Variants in ARSG observed in about 807,000 individuals in gnomAD.
ARSG encodes the protein ASG.
Under a neutral mutation model 50.5 loss-of-function variants are expected in ARSG, and 37 were observed. The observed-to-expected ratio is 0.73, with a 90% confidence interval of 0.56 to 0.96. The LOEUF (loss-of-function observed/expected upper bound fraction) is 0.96, where lower values mean the gene tolerates loss of function less well. Ranked by LOEUF, ARSG falls within the 50% of genes least tolerant of loss-of-function variation. The pLI is 0.00. For synonymous variants in ARSG, 225 were observed against 254.6 expected, an observed-to-expected ratio of 0.88 and a Z score of 1.11; for missense variants, 629 against 675.3, an observed-to-expected ratio of 0.93 and a Z score of 0.76.
chr17:68,310,023 G>T (rs1477435946), intron 2 of ARSG, among the ~76,000 whole-genome samples: 1 of 149,826 alleles, frequency 6.7e-6, no homozygotes, highest in Non-Finnish European at 1.5e-5. Flanking sequence ...GCCCAGGTTG[G>T]CGTGCAGTGG....
At chr17:68,270,793 AC>A in intron 1 of ARSG, 1 of 1,492,364 alleles carries the variant, frequency 6.7e-7, no homozygotes, top group Non-Finnish European at 9.0e-7. Context: ...AGCACAATTC[AC>A]AAGGGAAAGT....
rs372439239 is a variant in ARSG at position 68,278,249 on chromosome 17, G to A, written c.-552+18823G>A. The A allele has an allele frequency of 4.3e-6, 7 of 1,614,068 alleles. No homozygotes were observed. In the African/African-American group the frequency reaches 5.3e-5, roughly 12 times the overall value. ...AGAAAAATGAAACAGCTACCGCCCA[G>A]CCCCATCCTCCATCAGGCACTTCAG... On this transcript the variant is annotated intron_variant, in intron 1 of 11. Transcript: ENST00000448504.
intron 1 of ARSG, among the ~76,000 whole-genome samples, chr17:68,302,600 T>C (rs1599632134): frequency 6.6e-6 from 1 of 152,046 alleles, no homozygotes; most frequent in East Asian, 1.9e-4. Context: ...CTGTGGGTCA[T>C]TTGGCTGTTT....
the ARSG span, among the ~76,000 whole-genome samples, chr17:68,437,012 A>ATGTGTGTGTGTGTGTGTG: frequency 1.8e-4 from 15 of 82,064 alleles, no homozygotes; most frequent in African/African-American, 7.2e-4. Flanking sequence ...AAAAATATAT[A>ATGTGTGTGTGTGTGTGTG]TATATGTGTG....
At chr17:68,437,439 C>G in the ARSG span, among the ~76,000 whole-genome samples, 1 of 151,910 alleles carries the variant, frequency 6.6e-6, no homozygotes, top group African/African-American at 2.4e-5. Flanking sequence ...CCTGTAGTCC[C>G]AGCTACTCGG....
chr17:68,340,394 C>T (rs1164884391), intron 2 of ARSG, among the ~76,000 whole-genome samples: 1 of 152,150 alleles, frequency 6.6e-6, no homozygotes, highest in Non-Finnish European at 1.5e-5. Context: ...AAGCAGTTCT[C>T]ATGCTTCAGC....
chr17:68,260,294 T>C (rs2075052441), intron 1 of ARSG, among the ~76,000 whole-genome samples: 1 of 152,206 alleles, frequency 6.6e-6, no homozygotes, highest in South Asian at 2.1e-4. Context: ...TTGTTTTCAC[T>C]GTGCTGCATG....
chr17:68,305,633 A>AT (rs2076578402), intron 1 of ARSG, among the ~76,000 whole-genome samples: 1 of 152,100 alleles, frequency 6.6e-6, no homozygotes, highest in Admixed American at 6.6e-5. Flanking sequence ...ATTTTTTGAA[A>AT]TTTTTTCTAA....
chr17:68,372,230 GTCTA>G (rs955074200), intron 8 of ARSG, among the ~76,000 whole-genome samples: 18 of 152,204 alleles, frequency 1.2e-4, no homozygotes, highest in South Asian at 4.2e-4. Context: ...AACCAAAAAG[GTCTA>G]TCTGTCTGTC....
chr17:68,306,106 G>A (rs782628356), intron 1 of ARSG, among the ~76,000 whole-genome samples: 3 of 151,832 alleles, frequency 2.0e-5, no homozygotes, highest in African/African-American at 7.3e-5. Context: ...GGGTTCAAGC[G>A]ATTCTCTTGC....
chr17:68,356,111 A>G (rs939585132), intron 5 of ARSG, among the ~76,000 whole-genome samples: 4 of 152,088 alleles, frequency 2.6e-5, no homozygotes, highest in Admixed American at 6.6e-5. Context: ...CGAACTCCTG[A>G]CCTCAAGTGA....
the ARSG span, among the ~76,000 whole-genome samples, chr17:68,437,141 G>A: frequency 3.3e-5 from 5 of 152,006 alleles, no homozygotes; most frequent in East Asian, 9.6e-4. Context: ...CCTCAAAACT[G>A]AAATAAATCT....
intron 1 of ARSG, among the ~76,000 whole-genome samples, chr17:68,282,176 A>G (rs1225049224): frequency 1.3e-5 from 2 of 152,206 alleles, no homozygotes; most frequent in African/African-American, 2.4e-5. Flanking sequence ...CAGCCATAAA[A>G]AAGGATGAGT....
chr17:68,410,601 C>T (rs1169664897), intron 11 of ARSG, among the ~76,000 whole-genome samples: 1 of 152,138 alleles, frequency 6.6e-6, no homozygotes, highest in Admixed American at 6.5e-5. Flanking sequence ...GGTTGTGTCT[C>T]TGCCTGGCTT....
chr17:68,416,754 T>A (rs1216227416), intron 11 of ARSG, among the ~76,000 whole-genome samples: 1 of 151,950 alleles, frequency 6.6e-6, no homozygotes, highest in Non-Finnish European at 1.5e-5. Context: ...CTTGTTCAAT[T>A]CTATTGCTGA....
Position 68,302,275 on chromosome 17 carries a change from A to G in ARSG, c.-551-4668A>G, listed in dbSNP as rs115971788. Among the ~76,000 whole-genome samples, 548 of 152,294 alleles carry G rather than the reference A, an allele frequency of 3.6e-3. 4 individuals are homozygous for G. The highest frequency in any genetic ancestry group is 0.012 in the African/African-American group (510 of 41,564). On this transcript the variant is annotated intron_variant, in intron 1 of 11. Transcript: ENST00000621439. Reference sequence around the variant, plus strand: ...CTGGGGAGTAAAACAACAGCAGTCCACATCCCAGAGACCTGCTCCCCCCTG... The same window carrying G: ...CTGGGGAGTAAAACAACAGCAGTCCGCATCCCAGAGACCTGCTCCCCCCTG...
At chr17:68,356,635 T>C (rs752296787) in intron 5 of ARSG, 32 bp from the exon 6 acceptor site, 11 of 1,613,224 alleles carry the variant, frequency 6.8e-6, no homozygotes, top group Non-Finnish European at 9.3e-6. Flanking sequence ...ACGTAGGAAA[T>C]GAATACTCTA....
At chr17:68,427,328 G>A, downstream of ARSG, 1 of 1,107,878 alleles carries the variant, frequency 9.0e-7, no homozygotes, top group South Asian at 1.3e-5. Context: ...CAAAGGAAAA[G>A]CATGAAGAAG....
At chr17:68,348,329 A>T (rs1198236410) in intron 4 of ARSG, among the ~76,000 whole-genome samples, 1 of 152,176 alleles carries the variant, frequency 6.6e-6, no homozygotes, top group Non-Finnish European at 1.5e-5. Context: ...CCTTGAGGGC[A>T]TATTCCTGTG....
Sources: gnomAD v4.1 joint callset for allele counts (sites outside exome capture counted in the v4.1 genomes callset) on GRCh38, gnomAD v4.1.1 for gene constraint, MANE v1.5 for transcripts, NCBI Gene and HGNC (gene_info 2026-07-23, HGNC 2026-07-21) for gene names.